TRPM3: variants seen among roughly 807,000 people sequenced by gnomAD.
TRPM3 encodes long transient receptor potential channel 3.
Under a neutral mutation model 181.2 loss-of-function variants are expected in TRPM3, and 77 were observed. That is an observed-to-expected ratio of 0.42 (90% CI 0.35 to 0.51). The LOEUF (loss-of-function observed/expected upper bound fraction) is 0.51. TRPM3 is among the 20% of genes least tolerant of loss of function. The pLI is 0.01. For synonymous variants in TRPM3, 745 were observed against 796.4 expected (o/e 0.94, Z 1.09); for missense variants, 1,759 against 2,196.7 (o/e 0.80, Z 3.98).
intron 1 of TRPM3, among the ~76,000 whole-genome samples, chr9:71,232,368 A>C (rs1034676716): frequency 6.6e-6 from 1 of 152,088 alleles, no homozygotes; most frequent in African/African-American, 2.4e-5. Flanking sequence ...TCCAAGACAC[A>C]TGCTATCAAT....
At chr9:70,669,785 C>T (rs1481608884) in intron 9 of TRPM3, among the ~76,000 whole-genome samples, 1 of 148,914 alleles carries the variant, frequency 6.7e-6, no homozygotes, top group Non-Finnish European at 1.5e-5. Flanking sequence ...CCTTTGTTGC[C>T]CAAGCTGGAA....
At chr9:71,010,958 C>CAT (rs1384266143) in intron 1 of TRPM3, among the ~76,000 whole-genome samples, 2 of 140,492 alleles carry the variant, frequency 1.4e-5, no homozygotes, top group East Asian at 4.3e-4. Flanking sequence ...CACACACACA[C>CAT]ACATAAATAG....
chr9:71,103,465 G>A (rs2068795819), intron 1 of TRPM3, among the ~76,000 whole-genome samples: 1 of 152,078 alleles, frequency 6.6e-6, no homozygotes, highest in Non-Finnish European at 1.5e-5. Flanking sequence ...AGTCAAAGTT[G>A]AAGGAAAAAT....
intron 22 of TRPM3, among the ~76,000 whole-genome samples, chr9:70,553,585 C>T (rs947579681): frequency 2.1e-4 from 32 of 152,224 alleles, no homozygotes; most frequent in Admixed American, 1.4e-3. Flanking sequence ...CTCACACTGC[C>T]GCTAGGCCCC....
chr9:70,561,332 C>T (rs56275521), intron 22 of TRPM3, among the ~76,000 whole-genome samples: 35,400 of 151,982 alleles, frequency 0.23, 4,779 homozygotes, highest in Admixed American at 0.31. Context: ...ATAACGCTGC[C>T]CTTTGGCCTT....
chr9:70,577,896 G>T (rs1460861892), intron 22 of TRPM3, among the ~76,000 whole-genome samples: 1 of 152,194 alleles, frequency 6.6e-6, no homozygotes, highest in Non-Finnish European at 1.5e-5. Flanking sequence ...TGGCACGAGT[G>T]ACTTTGAAGT....
At chr9:71,281,630 T>A (rs1461011473) in intron 1 of TRPM3, among the ~76,000 whole-genome samples, 4 of 152,218 alleles carry the variant, frequency 2.6e-5, no homozygotes, top group African/African-American at 4.8e-5. Flanking sequence ...ACTGAGGAGT[T>A]ATACTTTTCA....
chr9:71,090,417 C>T (rs967674189), intron 1 of TRPM3, among the ~76,000 whole-genome samples: 1 of 152,146 alleles, frequency 6.6e-6, no homozygotes, highest in African/African-American at 2.4e-5. Context: ...TTCTCACAAG[C>T]AGATGAAGTT....
intron 1 of TRPM3, among the ~76,000 whole-genome samples, chr9:71,104,550 C>A (rs1440654311): frequency 6.6e-6 from 1 of 152,114 alleles, no homozygotes; most frequent in Non-Finnish European, 1.5e-5. Context: ...ATCACAAATT[C>A]CTCATCTGAA....
chr9:71,329,904 A>G (rs2089988578), intron 1 of TRPM3, among the ~76,000 whole-genome samples: 1 of 152,216 alleles, frequency 6.6e-6, no homozygotes, highest in Non-Finnish European at 1.5e-5. Flanking sequence ...ACCCTTGTAC[A>G]AATAAATACA....
At chr9:70,677,401 G>A (rs2064262555) in intron 9 of TRPM3, among the ~76,000 whole-genome samples, 1 of 152,234 alleles carries the variant, frequency 6.6e-6, no homozygotes, top group Non-Finnish European at 1.5e-5. Context: ...TAACAGAGCT[G>A]TAACGGTGCC....
intron 1 of TRPM3, among the ~76,000 whole-genome samples, chr9:71,163,658 T>C (rs537182949): frequency 6.6e-6 from 1 of 152,136 alleles, no homozygotes; most frequent in South Asian, 2.1e-4. Flanking sequence ...GGTACATTAG[T>C]GGAAGCCATG....
chr9:70,629,228 G>C (rs1159644357), intron 12 of TRPM3, among the ~76,000 whole-genome samples: 1 of 80,304 alleles, frequency 1.2e-5, no homozygotes, highest in Non-Finnish European at 2.9e-5. Context: ...GGGGGGGGGG[G>C]GCCTGCGTTC....
chr9:70,597,895 T>C (rs1219287269), intron 21 of TRPM3, among the ~76,000 whole-genome samples: 1 of 147,496 alleles, frequency 6.8e-6, no homozygotes, highest in East Asian at 2.1e-4. Flanking sequence ...GGGAAAGGCA[T>C]TTTTCTAGAA....
chr9:71,242,970 A>G (rs1305319706), intron 1 of TRPM3, among the ~76,000 whole-genome samples: 2 of 152,164 alleles, frequency 1.3e-5, no homozygotes, highest in African/African-American at 4.8e-5. Flanking sequence ...GGGTACATTG[A>G]AATCACTGTC....
intron 6 of TRPM3, among the ~76,000 whole-genome samples, chr9:70,807,819 C>G (rs868135309): frequency 2.0e-5 from 3 of 151,776 alleles, no homozygotes; most frequent in African/African-American, 7.3e-5. Flanking sequence ...GAATGTGGGC[C>G]CAGGAGGATA....
chr9:71,178,136 G>C (rs1057038797), intron 1 of TRPM3, among the ~76,000 whole-genome samples: 7 of 151,860 alleles, frequency 4.6e-5, no homozygotes, highest in Admixed American at 3.9e-4. Flanking sequence ...CGTCACAATG[G>C]CAAGTGTAGC....
At chr9:70,759,152 C>T (rs2077625250) in intron 8 of TRPM3, among the ~76,000 whole-genome samples, 1 of 152,074 alleles carries the variant, frequency 6.6e-6, no homozygotes, top group African/African-American at 2.4e-5. Context: ...ACAAACAACC[C>T]CGTCAAAAAG....
intron 9 of TRPM3, among the ~76,000 whole-genome samples, chr9:70,673,556 A>G (rs1392596517): frequency 6.6e-6 from 1 of 152,200 alleles, no homozygotes; most frequent in Non-Finnish European, 1.5e-5. Flanking sequence ...TATGTCTAAA[A>G]TAGATGGAAA....
Sources: allele counts gnomAD v4.1 joint callset (sites outside exome capture counted in the v4.1 genomes callset), GRCh38; gene constraint gnomAD v4.1.1; transcripts MANE v1.5; gene names NCBI Gene and HGNC (gene_info 2026-07-23, HGNC 2026-07-21).